The following MDN1 variants were observed in gnomAD, a reference collection of about 807,000 sequenced individuals.
The protein encoded by MDN1 is midasin AAA ATPase 1.
MDN1 carries 266 observed loss-of-function variants against 669.2 expected under a neutral mutation model. The ratio of observed to expected loss-of-function variants is 0.40; its 90% CI spans 0.36 to 0.44. The LOEUF is 0.44. Among genes scored for constraint, MDN1 ranks in the 20% least tolerant of loss-of-function variants. MDN1 has a pLI of 1.00. For missense variants in MDN1, 5,940 were observed against 6,754.0 expected (o/e 0.88, Z 4.22); for synonymous variants, 2,385 against 2,457.1 (o/e 0.97, Z 0.87).
intron 22 of MDN1, among the ~76,000 whole-genome samples, chr6:89,752,740 A>G (rs1045023695): frequency 9.2e-5 from 14 of 152,224 alleles, no homozygotes; most frequent in Admixed American, 2.6e-4. Context: ...GTGAAATGCT[A>G]TGTGGCCCTT....
At position 89,718,582 on chromosome 6, in the gene MDN1, C is replaced by T; in HGVS notation, c.6367G>A (p.Gly2123Arg). 6.2e-7 allele frequency: 1 copy of T among 1,614,134 alleles called. No homozygotes were observed. Among genetic ancestry groups the T allele is most frequent in the Non-Finnish European group, 8.5e-7 (1 of 1,180,022 alleles). ...PWRRLLEKVEGTVRALLRDSL... is the reference protein window; with the variant it reads ...PWRRLLEKVERTVRALLRDSL... The stretch of plus-strand genomic sequence containing the variant: ...TCCCTTAACAGTGCCCTTACAGTTC[C>T]CTCCACCTTCTCTAGCAGCCTCCTC... Residue 2123 changes from glycine (G) to arginine (R), a missense_variant, in exon 43 of 102, where the codon GGA becomes AGA. Coordinates refer to ENST00000369393, the MANE Select transcript of MDN1 (RefSeq NM_014611.3).
rs112880823 is a variant in MDN1, at chr6:89,650,622, C to T, written c.16031+110G>A. On this transcript the variant is annotated intron_variant, in intron 96 of 101. Transcript: ENST00000369393. ...CATACTGGTGCCTGTACGGCACAAG[C>T]GGCAGCCTAGAAGCTGGCACTATAA... 1.2e-4 allele frequency: 96 copies of T among 791,828 alleles called. 3 individuals carry two copies. The highest frequency in any genetic ancestry group is 1.0e-3 in the African/African-American group (59 of 58,306). The allele number at this position is 791,828 out of a possible 1,614,324, so 49.1% of individuals were successfully genotyped here.
intron 15 of MDN1, among the ~76,000 whole-genome samples, chr6:89,765,269 AC>A (rs530249299): frequency 0.016 from 2,429 of 152,036 alleles, 22 homozygotes; most frequent in Non-Finnish European, 0.019. Flanking sequence ...ACACACACAC[AC>A]AAAAAATTAT....
At chr6:89,700,976 AC>A in intron 55 of MDN1, 120 bp from the exon 56 acceptor site, 1 of 887,516 alleles carries the variant, frequency 1.1e-6, no homozygotes. Flanking sequence ...AAAACAAAGG[AC>A]TTGTTTATTT....
intron 91 of MDN1, 103 bp from the exon 92 acceptor site, chr6:89,656,071 T>C: frequency 2.0e-6 from 2 of 1,001,394 alleles, no homozygotes; most frequent in Admixed American, 2.6e-5. Context: ...GTAAATCAGG[T>C]GTAGCCATAC....
rs1343148041 is a variant in MDN1 at position 89,745,422 on chromosome 6, A to G, written c.4040-11T>C. The G allele has an allele frequency of 1.2e-6, 2 of 1,613,948 alleles. No individual in the cohort carries two copies. Among genetic ancestry groups the G allele is most frequent in the East Asian group, 2.2e-5 (1 of 44,892 alleles). On this transcript the variant is annotated splice_polypyrimidine_tract_variant and intron_variant, in intron 28 of 101. Transcript: ENST00000369393. ...GAGTAGACAATTTACCTATCCAAGG[A>G]AAAATAAATATTTAGATTCTAATGA...
At chr6:89,726,492 A>G (rs950822612) in intron 37 of MDN1, among the ~76,000 whole-genome samples, 4 of 151,652 alleles carry the variant, frequency 2.6e-5, no homozygotes, top group East Asian at 1.9e-4. Flanking sequence ...GAAAAAAAAA[A>G]AAAAGAAAAG....
intron 46 of MDN1, among the ~76,000 whole-genome samples, chr6:89,714,278 A>G (rs1009915568): frequency 4.6e-5 from 7 of 152,164 alleles, no homozygotes; most frequent in African/African-American, 1.7e-4. Context: ...CTCAGTGCGT[A>G]AAGTGGAATT....
chr6:89,759,209 T>C (rs1817410970), intron 17 of MDN1, among the ~76,000 whole-genome samples: 1 of 152,280 alleles, frequency 6.6e-6, no homozygotes, highest in Middle Eastern at 3.4e-3. Flanking sequence ...TCTCATTATG[T>C]GGATGGTCAG....
chr6:89,768,117 C>T (rs1441732216), intron 15 of MDN1, among the ~76,000 whole-genome samples: 1 of 152,092 alleles, frequency 6.6e-6, no homozygotes, highest in Non-Finnish European at 1.5e-5. Flanking sequence ...TGCCTGTAAT[C>T]CCAGCACTTT....
chr6:89,745,367 G>A lies in MDN1; in HGVS notation c.4084C>T (p.His1362Tyr), dbSNP rs753147510. 142 of 1,613,936 alleles carry A rather than the reference G, an allele frequency of 8.8e-5. No homozygotes were observed. The Admixed American group carries it at 2.2e-3, about 25-fold the overall frequency. Reference protein sequence around the residue: ...QISTLECNFGHIVWTEGMRRL... With the variant: ...QISTLECNFGYIVWTEGMRRL... ...CGCATGCCCTCAGTCCACACGATATGGCCAAAGTTACACTCCAATGTGGAT... is the reference window on the plus strand; with the variant it reads ...CGCATGCCCTCAGTCCACACGATATAGCCAAAGTTACACTCCAATGTGGAT... The change falls in exon 29 of 102, where the codon CAT (histidine) becomes TAT (tyrosine). Residue 1362 changes from histidine (H) to tyrosine (Y), a missense_variant. By Grantham distance (83) the His-to-Tyr change is moderately conservative. Coordinates refer to ENST00000369393, the MANE Select transcript of MDN1 (RefSeq NM_014611.3).
Position 89,658,207 on chromosome 6 carries a change from A to C in MDN1, c.15183+2T>G, listed in dbSNP as rs1584104045. 3.1e-6 allele frequency: 5 copies of C among 1,613,810 alleles called. No individual in the cohort carries two copies. The highest frequency in any genetic ancestry group is 4.2e-6 in the Non-Finnish European group (5 of 1,179,904). ...GGCGGCTGCAGTGAAACCACTGATC[A>C]CCTCTTTCCCCTGCTCCTTCTCAGG... On this transcript the variant is annotated splice_donor_variant, in intron 90 of 101. Coordinates refer to ENST00000369393, the MANE Select transcript of MDN1 (RefSeq NM_014611.3). LOFTEE classifies it high-confidence loss of function.
intron 15 of MDN1, among the ~76,000 whole-genome samples, chr6:89,769,791 T>A (rs1172092452): frequency 6.6e-6 from 1 of 152,160 alleles, no homozygotes; most frequent in African/African-American, 2.4e-5. Context: ...CTCACTATAT[T>A]TAAAACAACT....
intron 22 of MDN1, among the ~76,000 whole-genome samples, chr6:89,751,958 T>C (rs1283612412): frequency 2.0e-5 from 3 of 152,210 alleles, no homozygotes; most frequent in Non-Finnish European, 4.4e-5. Flanking sequence ...GAAGGAGGTT[T>C]TGCACTATTA....
chr6:89,666,322 A>C (rs2128302477), intron 84 of MDN1, among the ~76,000 whole-genome samples: 1 of 152,264 alleles, frequency 6.6e-6, no homozygotes, highest in Middle Eastern at 3.4e-3. Flanking sequence ...CTGTAGTGCA[A>C]TGGCACGATC....
chr6:89,765,010 A>C (rs1817740989), intron 15 of MDN1, among the ~76,000 whole-genome samples: 1 of 152,190 alleles, frequency 6.6e-6, no homozygotes, highest in Non-Finnish European at 1.5e-5. Context: ...GTGGCCCAGC[A>C]CTTTGGGAGG....
rs1013679920 is a variant in MDN1 at position 89,718,301 on chromosome 6, T to G, written c.6583+65A>C. 1.0e-5 allele frequency: 15 copies of G among 1,444,900 alleles called. No individual in the cohort carries two copies. The African/African-American group carries it at 1.8e-4, about 18-fold the overall frequency. The allele number at this position is 1,444,900 out of a possible 1,614,324, so 89.5% of individuals were successfully genotyped here. Reference sequence around the variant, plus strand: ...TAATACAAAACATTTGTAAATCTATTACGTGTAAATGGACACAATATAAGC... The same window carrying G: ...TAATACAAAACATTTGTAAATCTATGACGTGTAAATGGACACAATATAAGC... On this transcript the variant is annotated intron_variant, in intron 43 of 101. Transcript: ENST00000369393.
rs1188496571 is a variant in MDN1 at position 89,654,228 on chromosome 6, G to C, written c.15597C>G (p.Phe5199Leu). ...TCAGCTGCTCCACGTCTGCTGCTTT[G>C]AACTCCTCCTGCTCCTCTGTGTCCA... is the stretch of plus-strand genomic sequence containing the variant. Reference protein sequence around the residue: ...TLMDTEEQEEFKAADVEQLKP... With the variant: ...TLMDTEEQEELKAADVEQLKP... The change falls in exon 93 of 102, where the codon TTC (phenylalanine) becomes TTG (leucine). Residue 5199 changes from phenylalanine to leucine, a missense_variant. This residue lies in a region of MDN1 where 2,280 missense variants were observed against 2,576.3 expected (regional missense o/e 0.88). Transcript: ENST00000369393. The C allele has an allele frequency of 4.3e-6, 7 of 1,614,044 alleles. No individual in the cohort carries two copies. Among genetic ancestry groups the C allele is most frequent in the African/African-American group, 1.3e-5 (1 of 74,926 alleles).
chr6:89,749,640 T>G lies in MDN1; in HGVS notation c.3518A>C (p.Glu1173Ala). 1 of 1,614,172 alleles carries G rather than the reference T, an allele frequency of 6.2e-7. No individual in the cohort carries two copies. The highest frequency in any genetic ancestry group is 1.3e-5 in the African/African-American group (1 of 75,046). The part of the protein sequence containing the change: ...ALNRLLDDNR[E>A]LLVTETQEVV... ...TTCCTGTGTTTCTGTTACTAGCAAT[T>G]CACGGTTATCATCCAACAGCCTATT... is the stretch of plus-strand genomic sequence containing the variant. Residue 1173 changes from glutamate (E) to alanine (A), a missense_variant, in exon 25 of 102, where the codon GAA becomes GCA. Transcript: ENST00000369393.
Sources: gnomAD v4.1 joint callset for allele counts (sites outside exome capture counted in the v4.1 genomes callset) on GRCh38, gnomAD v4.1.1 for gene constraint, gnomAD v4.1.1 regional missense constraint, MANE v1.5 for transcripts, NCBI Gene and HGNC (gene_info 2026-07-23, HGNC 2026-07-21) for gene names.